Variants in PXN observed in about 807,000 individuals in gnomAD.
PXN encodes the protein paxillin, also known as testicular tissue protein Li 134.
In PXN, 61 loss-of-function variants were observed where a neutral mutation model predicts 103.6. The observed-to-expected ratio is 0.59, with a 90% CI of 0.48 to 0.73. PXN has a LOEUF of 0.73. Ranked by LOEUF, PXN falls within the 30% of genes least tolerant of loss-of-function variation. The pLI, the probability that PXN is intolerant of heterozygous loss-of-function variation, is 0.00. For synonymous variants in PXN, 562 were observed against 607.8 expected (o/e 0.92, Z 1.11); for missense variants, 1,274 against 1,460.3 (o/e 0.87, Z 2.08).
At position 120,220,000 on chromosome 12, in the gene PXN, A is replaced by T. The variant is rs562362707; in HGVS notation, c.923T>A (p.Met308Lys). 6.3e-7 allele frequency: 1 copy of T among 1,579,668 alleles called. No individual in the cohort carries two copies. Among genetic ancestry groups the T allele is most frequent in the Non-Finnish European group, 8.6e-7 (1 of 1,164,036 alleles). The part of the protein sequence containing the change: ...YCSLPPSPPP[M>K]PSVFLPPTTI... ...GGTGGGTGGCAGAAATACAGATGGC[A>T]TGGGAGGAGGAGAAGGAGGAAGGGA... The change falls in exon 7 of 15, where the codon ATG becomes AAG. Residue 308 changes from methionine to lysine, a missense_variant. Physicochemically the swap from Met to Lys is moderately conservative, Grantham distance 95. Around this residue, in one of 2 missense-constraint regions of PXN, gnomAD observed 1,178 missense variants for 1,309.0 expected, o/e 0.90. Transcript: ENST00000637617. The surrounding 1 kb of genome is among the most constrained non-coding windows in gnomAD (Gnocchi z 6.5).
At chr12:120,248,000 A>C (rs904957539) in intron 1 of PXN, among the ~76,000 whole-genome samples, 13 of 152,206 alleles carry the variant, frequency 8.5e-5, no homozygotes, top group African/African-American at 2.9e-4. Flanking sequence ...CAGAGCTCTA[A>C]AGTAGATAAA....
intron 1 of PXN, among the ~76,000 whole-genome samples, chr12:120,232,324 A>G (rs1293332390): frequency 6.6e-6 from 1 of 152,184 alleles, no homozygotes; most frequent in African/African-American, 2.4e-5. Flanking sequence ...GCCCATCCCC[A>G]GAGTCTCTTT....
At chr12:120,243,941 A>G (rs1890602152) in intron 1 of PXN, among the ~76,000 whole-genome samples, 1 of 152,032 alleles carries the variant, frequency 6.6e-6, no homozygotes, top group South Asian at 2.1e-4. Context: ...CATTGGGCAG[A>G]GCCTAGCATA....
chr12:120,260,054 GC>G (rs768759348), intron 1 of PXN, among the ~76,000 whole-genome samples: 1 of 152,218 alleles, frequency 6.6e-6, no homozygotes, highest in Non-Finnish European at 1.5e-5. Context: ...CAGGGGACCT[GC>G]CCCAGGTTCT....
In PXN at chr12:120,214,428, ACTC is replaced by A. The variant is rs920346981; in HGVS notation, c.2749-214_2749-212del. ...AAGCCAGACACATACCCTCTCCTCT[ACTC>A]CTCACCCCAAGTAGAGGGCACAAGT... On this transcript the variant is annotated intron_variant, in intron 12 of 14. Coordinates refer to ENST00000637617, the MANE Select transcript of PXN (RefSeq NM_001385981.1). The surrounding 1 kb of genome is among the most constrained non-coding windows in gnomAD (Gnocchi z 5.0). Among the ~76,000 whole-genome samples the A allele has an allele frequency of 4.6e-5, 7 of 151,794 alleles. No homozygotes were observed. Among genetic ancestry groups the A allele is most frequent in the African/African-American group, 1.2e-4 (5 of 41,288 alleles).
chr12:120,254,662 T>G (rs1359868526), intron 1 of PXN, among the ~76,000 whole-genome samples: 2 of 152,024 alleles, frequency 1.3e-5, no homozygotes, highest in East Asian at 3.9e-4. Context: ...GAGATTCTCC[T>G]GCCTCAGCCT....
rs374859139 is a variant in PXN, at chr12:120,215,217, G to A, written c.2460C>T (p.Pro820=). The change falls in exon 11 of 15, where the codon CCC becomes CCT. Residue 820 remains proline (P), a synonymous_variant. Transcript: ENST00000637617. This position sits in a 1 kb window ranked among gnomAD's most constrained non-coding sequence, Gnocchi z 4.9. ...SSSPPGGPPK[P]GSQLDSMLGS... ...CCAGCATGCTGTCCAGCTGGCTCCC[G>A]GGCTTCGGGGGCCCCCCAGGGGGTG... 376 of 1,593,766 alleles carry A rather than the reference G, an allele frequency of 2.4e-4. No individual in the cohort carries two copies. Among genetic ancestry groups the A allele is most frequent in the Admixed American group, 3.0e-4 (17 of 57,306 alleles).
rs924131647 is a variant in PXN at position 120,265,281 on chromosome 12, T to G, written c.13+336A>C. Among the ~76,000 whole-genome samples the G allele has an allele frequency of 5.3e-5, 8 of 151,766 alleles. No individual in the cohort carries two copies. The highest frequency in any genetic ancestry group is 1.9e-4 in the African/African-American group (8 of 41,328). ...ACGAGGTGGTCTGCCGCAGGAAGTCTCGTCCCTGCAGCGGACGGGGTGGGT... is the reference window on the plus strand; with the variant it reads ...ACGAGGTGGTCTGCCGCAGGAAGTCGCGTCCCTGCAGCGGACGGGGTGGGT... On this transcript the variant is annotated intron_variant, in intron 1 of 14. Coordinates refer to ENST00000637617, the MANE Select transcript of PXN (RefSeq NM_001385981.1). The surrounding 1 kb of genome is among the most constrained non-coding windows in gnomAD (Gnocchi z 5.7).
At chr12:120,237,790 C>G (rs1184819816) in intron 1 of PXN, among the ~76,000 whole-genome samples, 1 of 152,200 alleles carries the variant, frequency 6.6e-6, no homozygotes. Flanking sequence ...CCCTTGACAG[C>G]TGGCGTCCCC....
Position 120,215,706 on chromosome 12 carries a change from T to C in PXN, c.2302-45A>G. The C allele has an allele frequency of 6.4e-7, 1 of 1,555,320 alleles. No individual in the cohort carries two copies. Among genetic ancestry groups the C allele is most frequent in the Non-Finnish European group, 8.7e-7 (1 of 1,152,308 alleles). ...GAGGGTAAGAAATCTTTTTTAAAAATTAAGAAAGAATACAAGACCTTGTCA... is the reference window on the plus strand; with the variant it reads ...GAGGGTAAGAAATCTTTTTTAAAAACTAAGAAAGAATACAAGACCTTGTCA... On this transcript the variant is annotated intron_variant, in intron 9 of 14. Transcript: ENST00000637617. This position sits in a 1 kb window ranked among gnomAD's most constrained non-coding sequence, Gnocchi z 4.9.
chr12:120,246,655 C>T (rs1891205232), intron 1 of PXN, among the ~76,000 whole-genome samples: 1 of 151,730 alleles, frequency 6.6e-6, no homozygotes, highest in Admixed American at 6.6e-5. Flanking sequence ...GAGATCGAGA[C>T]CATCCTGGCT....
At chr12:120,237,231 T>C (rs1200137005) in intron 1 of PXN, among the ~76,000 whole-genome samples, 1 of 151,688 alleles carries the variant, frequency 6.6e-6, no homozygotes, top group Non-Finnish European at 1.5e-5. Flanking sequence ...TGATCACGGT[T>C]CACTGCAACC....
chr12:120,257,115 A>AAGCTCCCTGG (rs1316436884), intron 1 of PXN, among the ~76,000 whole-genome samples: 2 of 152,120 alleles, frequency 1.3e-5, no homozygotes, highest in African/African-American at 4.8e-5. Flanking sequence ...AATCGGCCTG[A>AAGCTCCCTGG]AGCTCCCTGG....
chr12:120,229,060 T>C lies in PXN; in HGVS notation c.14-4683A>G, dbSNP rs1434373413. 6.6e-6 allele frequency among the ~76,000 whole-genome samples: 1 copy of C among 152,182 alleles called. No individual in the cohort carries two copies. The highest frequency in any genetic ancestry group is 1.9e-4 in the East Asian group (1 of 5,196). On this transcript the variant is annotated intron_variant, in intron 1 of 14. Transcript: ENST00000637617. This position sits in a 1 kb window ranked among gnomAD's most constrained non-coding sequence, Gnocchi z 4.0. ...CCGAGGAGGAGGGGACCGGTTCGCC[T>C]GCATTCCAGGGCAAGTGCTGCAGCT...
chr12:120,241,295 G>A (rs928830067), intron 1 of PXN, among the ~76,000 whole-genome samples: 1 of 152,190 alleles, frequency 6.6e-6, no homozygotes, highest in African/African-American at 2.4e-5. Flanking sequence ...CAGGTGATCA[G>A]AATTTCTGGA....
At chr12:120,256,164 A>G (rs1172163420) in intron 1 of PXN, among the ~76,000 whole-genome samples, 1 of 151,972 alleles carries the variant, frequency 6.6e-6, no homozygotes, top group Non-Finnish European at 1.5e-5. Flanking sequence ...TAATACCAGC[A>G]CTTTGGAAAG....
At chr12:120,251,800 G>A (rs925569961) in intron 1 of PXN, among the ~76,000 whole-genome samples, 35 of 152,162 alleles carry the variant, frequency 2.3e-4, no homozygotes, top group Non-Finnish European at 4.0e-4. Flanking sequence ...CTGGGCAACA[G>A]AGCGAGACTT....
In PXN at chr12:120,265,663, T is replaced by C; in HGVS notation, c.-34A>G. On this transcript the variant is annotated 5_prime_UTR_variant, in exon 1 of 15. Transcript: ENST00000637617. The surrounding 1 kb of genome is among the most constrained non-coding windows in gnomAD (Gnocchi z 5.7). ...CACGGGCGCCGGCTCAGGGTCGCGCTAGCTGCCCGTCCCGGGGCCGCTCGT... is the reference window on the plus strand; with the variant it reads ...CACGGGCGCCGGCTCAGGGTCGCGCCAGCTGCCCGTCCCGGGGCCGCTCGT... The C allele has an allele frequency of 2.7e-6, 4 of 1,454,672 alleles. No individual in the cohort carries two copies. Among genetic ancestry groups the C allele is most frequent in the South Asian group, 1.3e-5 (1 of 76,076 alleles). The allele number at this position is 1,454,672 out of a possible 1,614,324, so 90.1% of individuals were successfully genotyped here.
chr12:120,264,928 G>A (rs977559706), intron 1 of PXN, among the ~76,000 whole-genome samples: 4 of 152,176 alleles, frequency 2.6e-5, no homozygotes, highest in African/African-American at 9.7e-5. Flanking sequence ...TGAGTGATGG[G>A]TCCTTGAAAC....
Sources: gnomAD v4.1 joint callset for allele counts (sites outside exome capture counted in the v4.1 genomes callset) on GRCh38, gnomAD v4.1.1 for gene constraint, gnomAD v4.1.1 regional missense constraint, Gnocchi (gnomAD v3.1) non-coding constraint, MANE v1.5 for transcripts, NCBI Gene and HGNC (gene_info 2026-07-23, HGNC 2026-07-21) for gene names.